ECI1: variants seen among roughly 807,000 people sequenced by gnomAD.
The protein encoded by ECI1 is enoyl-CoA delta isomerase 1, also known as enoyl-CoA delta isomerase 1, mitochondrial.
ECI1 carries 34 observed loss-of-function variants against 34.2 expected under a neutral mutation model. That is an observed-to-expected ratio of 1.00 (90% CI 0.76 to 1.33). The LOEUF (loss-of-function observed/expected upper bound fraction) is 1.33. ECI1 is among the 40% of genes most tolerant of loss of function. The probability of loss-of-function intolerance (pLI) is 0.00; values close to 1 mark genes in which losing one functional copy is unlikely to be tolerated. For synonymous variants in ECI1, 211 were observed against 193.0 expected (o/e 1.09, Z -0.77); for missense variants, 456 against 422.2 (o/e 1.08, Z -0.70).
At chr16:2,243,600 A>C (rs1187022433) in intron 4 of ECI1, among the ~76,000 whole-genome samples, 161 bp from the exon 5 acceptor site, 2 of 152,164 alleles carry the variant, frequency 1.3e-5, no homozygotes, top group African/African-American at 4.8e-5. Context: ...TGCACTGGGA[A>C]ATGGATGAGG....
chr16:2,246,930 G>A lies in ECI1; in HGVS notation c.223C>T (p.Leu75=). 1 of 1,613,888 alleles carries A rather than the reference G, an allele frequency of 6.2e-7. No individual in the cohort carries two copies. Among genetic ancestry groups the A allele is most frequent in the South Asian group, 1.1e-5 (1 of 91,078 alleles). The change falls in exon 3 of 7, where the codon CTG becomes TTG. Residue 75 remains leucine, a synonymous_variant. Transcript: ENST00000301729. ...TCCAGGCTGATGACCAGCTCCGTCA[G>A]AAACTCCAGGCTCAGGCTGTTCACT... is the stretch of plus-strand genomic sequence containing the variant. ...PPVNSLSLEF[L]TELVISLEKL...
At chr16:2,251,043 C>T (rs1322456717) in intron 2 of ECI1, among the ~76,000 whole-genome samples, 1 of 152,214 alleles carries the variant, frequency 6.6e-6, no homozygotes, top group Admixed American at 6.5e-5. Context: ...TGATCTCGAA[C>T]TCCTGACCTC....
intron 2 of ECI1, among the ~76,000 whole-genome samples, chr16:2,249,753 C>T (rs2093548443): frequency 6.6e-6 from 1 of 151,210 alleles, no homozygotes; most frequent in South Asian, 2.1e-4. Flanking sequence ...TGGCGGGCGC[C>T]TGTAGTCCCA....
intron 3 of ECI1, among the ~76,000 whole-genome samples, chr16:2,245,685 G>GC (rs1244729933): frequency 2.0e-5 from 3 of 152,054 alleles, no homozygotes; most frequent in Non-Finnish European, 4.4e-5. Context: ...GGGCAACATA[G>GC]CAAGACCCCG....
chr16:2,251,254 C>A (rs1286120766), intron 2 of ECI1, 62 bp downstream of exon 2: 2 of 831,172 alleles, frequency 2.4e-6, no homozygotes, highest in Non-Finnish European at 3.1e-6. Context: ...CAGCACCCCG[C>A]GAGCGCGGAC....
rs775401987 is a variant in ECI1, at chr16:2,243,136, G to T, written c.652C>A (p.Leu218Met). The T allele has an allele frequency of 1.4e-5, 22 of 1,606,564 alleles. No individual in the cohort carries two copies. Among genetic ancestry groups the T allele is most frequent in the African/African-American group, 1.3e-5 (1 of 74,942 alleles). ...ACCTGGTCCACTATGCCCACCTGCAGGGCCTCCGCCGGCGGGAAGAGCAGC... is the reference window on the plus strand; with the variant it reads ...ACCTGGTCCACTATGCCCACCTGCATGGCCTCCGCCGGCGGGAAGAGCAGC... ...LGLLFPPAEA[L>M]QVGIVDQVVP... Residue 218 changes from leucine to methionine, a missense_variant, in exon 6 of 7, where the codon CTG becomes ATG. Physicochemically the swap from Leu to Met is conservative, Grantham distance 15. Coordinates refer to ENST00000301729, the MANE Select transcript of ECI1 (RefSeq NM_001919.4).
At chr16:2,250,661 C>G (rs17135847) in intron 2 of ECI1, among the ~76,000 whole-genome samples, 3,064 of 152,278 alleles carry the variant, frequency 0.02, 83 homozygotes, top group African/African-American at 0.07. Context: ...TCTATCCTTT[C>G]CAGTGGGTTT....
chr16:2,239,694 A>T lies in ECI1; in HGVS notation c.*285T>A. On this transcript the variant is annotated 3_prime_UTR_variant, in exon 7 of 7. Transcript: ENST00000301729. ...TTACGATTCTGCCTTGGGAACAGAGACACTCCGTGGCAACCTCACCAGGTC... is the reference window on the plus strand; with the variant it reads ...TTACGATTCTGCCTTGGGAACAGAGTCACTCCGTGGCAACCTCACCAGGTC... 2.2e-6 allele frequency: 1 copy of T among 465,034 alleles called. No homozygotes were observed. The highest frequency in any genetic ancestry group is 4.0e-6 in the Non-Finnish European group (1 of 251,890). 28.8% of individuals were successfully genotyped at this position (465,034 alleles called of 1,614,324 possible).
intron 2 of ECI1, among the ~76,000 whole-genome samples, chr16:2,250,483 G>T (rs908278655): frequency 6.6e-6 from 1 of 152,064 alleles, no homozygotes; most frequent in East Asian, 1.9e-4. Context: ...ACTTGCGGAG[G>T]GGGAGGGCCT....
In ECI1 at chr16:2,243,185, C is replaced by A. The variant is rs200320472; in HGVS notation, c.603G>T (p.Ala201=). The stretch of plus-strand genomic sequence containing the variant: ...GCCCCAGCTGCAGGGCACGCTCCGC[C>A]GCCCGGTGCCCGATGGTGTTCTCCA... ...DTLENTIGHR[A]AERALQLGLL... is the part of the protein sequence containing the mutation. Residue 201 remains alanine (A), a synonymous_variant, in exon 6 of 7, where the codon GCG becomes GCT. Coordinates refer to ENST00000301729, the MANE Select transcript of ECI1 (RefSeq NM_001919.4). The A allele has an allele frequency of 3.1e-6, 5 of 1,609,642 alleles. No homozygotes were observed. The Admixed American group carries it at 8.3e-5, about 27-fold the overall frequency.
chr16:2,244,905 T>G (rs1488125005), intron 3 of ECI1, among the ~76,000 whole-genome samples: 3 of 152,124 alleles, frequency 2.0e-5, no homozygotes, highest in Non-Finnish European at 4.4e-5. Context: ...CTCCTGAGAA[T>G]CCAGAGGAGC....
chr16:2,243,270 G>A (rs1396090557), intron 5 of ECI1, 46 bp from the exon 6 acceptor site: 2 of 1,613,270 alleles, frequency 1.2e-6, no homozygotes, highest in Middle Eastern at 1.6e-4. Flanking sequence ...AGGCGGGTCT[G>A]TTCCCTCCAC....
chr16:2,247,645 G>A (rs1399172207), intron 2 of ECI1, among the ~76,000 whole-genome samples: 4 of 150,924 alleles, frequency 2.7e-5, no homozygotes, highest in Non-Finnish European at 1.5e-5. Context: ...TGATCCGCTC[G>A]CCTCGGCCTC....
intron 2 of ECI1, among the ~76,000 whole-genome samples, chr16:2,250,205 T>G (rs34713291): frequency 0.12 from 14,988 of 130,004 alleles, 1,044 homozygotes; most frequent in Middle Eastern, 0.21. Context: ...GTTGCAGTGA[T>G]CGGAGATTGC....
At chr16:2,248,253 T>C (rs1002082094) in intron 2 of ECI1, among the ~76,000 whole-genome samples, 2 of 151,262 alleles carry the variant, frequency 1.3e-5, no homozygotes, top group Admixed American at 1.3e-4. Context: ...TGCGCCACTA[T>C]GCCCAGCTAA....
intron 2 of ECI1, among the ~76,000 whole-genome samples, chr16:2,250,029 A>AT (rs2093549468): frequency 6.9e-6 from 1 of 144,084 alleles, no homozygotes; most frequent in Non-Finnish European, 1.6e-5. Context: ...AAAAAATAAT[A>AT]ATTTTTTTTT....
At chr16:2,247,029 G>GAA in intron 2 of ECI1, 43 bp from the exon 3 acceptor site, 2 of 1,605,528 alleles carry the variant, frequency 1.2e-6, no homozygotes, top group Non-Finnish European at 1.7e-6. Context: ...CCTGGCACTG[G>GAA]AAAAGCAGCC....
chr16:2,240,193 G>C (rs757556636), intron 6 of ECI1, 48 bp from the exon 7 acceptor site: 1 of 1,592,978 alleles, frequency 6.3e-7, no homozygotes, highest in Non-Finnish European at 8.6e-7. Flanking sequence ...CAGGGGCAGT[G>C]GGGTGATTCC....
chr16:2,243,861 C>A (rs992172414), intron 4 of ECI1, among the ~76,000 whole-genome samples: 1 of 152,210 alleles, frequency 6.6e-6, no homozygotes, highest in Non-Finnish European at 1.5e-5. Context: ...GGGAACCCCA[C>A]ACTCACCCTG....
Sources: gnomAD v4.1 joint callset for allele counts (sites outside exome capture counted in the v4.1 genomes callset) on GRCh38, gnomAD v4.1.1 for gene constraint, MANE v1.5 for transcripts, NCBI Gene and HGNC (gene_info 2026-07-23, HGNC 2026-07-21) for gene names.